The following NRP2 variants were observed in gnomAD, a reference collection of about 807,000 sequenced individuals.
NRP2 encodes the protein neuropilin 2, also known as neuropilin-2.
A neutral mutation model predicts 110.4 loss-of-function variants in NRP2; 52 were observed. The observed-to-expected ratio is 0.47, with a 90% confidence interval of 0.38 to 0.59. The LOEUF is 0.59. Among genes scored for constraint, NRP2 ranks in the 20% least tolerant of loss-of-function variants. The pLI, the probability that NRP2 is intolerant of heterozygous loss-of-function variation, is 0.00. For missense variants in NRP2, 1,049 were observed against 1,203.0 expected (o/e 0.87, Z 1.89); for synonymous variants, 508 against 468.9 (o/e 1.08, Z -1.08).
At chr2:205,784,839 A>G (rs950230767) in intron 15 of NRP2, among the ~76,000 whole-genome samples, 1 of 152,160 alleles carries the variant, frequency 6.6e-6, no homozygotes, top group Non-Finnish European at 1.5e-5. Context: ...TCAAAAAAGC[A>G]TGGGTCAGAT....
intron 2 of NRP2, among the ~76,000 whole-genome samples, chr2:205,704,099 C>T (rs1349176257): frequency 6.6e-6 from 1 of 152,150 alleles, no homozygotes; most frequent in Admixed American, 6.5e-5. Flanking sequence ...CCCACCCCGC[C>T]GCCAGTGGAA....
intron 5 of NRP2, among the ~76,000 whole-genome samples, chr2:205,724,154 AT>A (rs1422944052): frequency 1.1e-4 from 7 of 64,644 alleles, no homozygotes; most frequent in Non-Finnish European, 2.9e-4. Flanking sequence ...TCTTTAAAAA[AT>A]ATATATATGT....
intron 3 of NRP2, among the ~76,000 whole-genome samples, chr2:205,718,211 C>T (rs1286748900): frequency 6.6e-6 from 1 of 152,092 alleles, no homozygotes; most frequent in African/African-American, 2.4e-5. Context: ...CTCACACCAC[C>T]CAACTTAGTA....
chr2:205,749,804 G>A lies in NRP2; in HGVS notation c.1866G>A (p.Glu622=). 5 of 1,614,136 alleles carry A rather than the reference G, an allele frequency of 3.1e-6. No individual in the cohort carries two copies. The highest frequency in any genetic ancestry group is 4.2e-6 in the Non-Finnish European group (5 of 1,179,988). Residue 622 remains glutamate (E), a synonymous_variant, in exon 11 of 17, where the codon GAG becomes GAA. Transcript: ENST00000357785. ...CCACCCCCTACCCCACCGAAGAGGAGGCCACAGAGTGTGGGGAGAACTGCA... is the reference window on the plus strand; with the variant it reads ...CCACCCCCTACCCCACCGAAGAGGAAGCCACAGAGTGTGGGGAGAACTGCA... ...ETTTPYPTEE[E]ATECGENCSF...
chr2:205,763,056 C>G lies in NRP2; in HGVS notation c.2045-618C>G, dbSNP rs995254829. On this transcript the variant is annotated intron_variant, in intron 12 of 16. Transcript: ENST00000357785. This position sits in a 1 kb window ranked among gnomAD's most constrained non-coding sequence, Gnocchi z 4.0. ...TGAATCATCCCTTTCAGCTCCCACC[C>G]TCTGTTCTGTTTGAAGGTGACACTG... 6.6e-6 allele frequency among the ~76,000 whole-genome samples: 1 copy of G among 152,176 alleles called. No individual in the cohort carries two copies. Among genetic ancestry groups the G allele is most frequent in the Non-Finnish European group, 1.5e-5 (1 of 68,026 alleles).
At chr2:205,685,942 G>C (rs2056147551) in intron 1 of NRP2, 2 of 152,290 alleles carry the variant, frequency 1.3e-5, no homozygotes, top group East Asian at 3.9e-4. Flanking sequence ...CGCGCCCAGC[G>C]CCCGCCGGTG....
At chr2:205,694,170 C>G (rs1032186703) in intron 1 of NRP2, among the ~76,000 whole-genome samples, 7 of 152,116 alleles carry the variant, frequency 4.6e-5, no homozygotes, top group Admixed American at 2.0e-4. Context: ...ACCAGCAAAA[C>G]AACAATACTT....
intron 7 of NRP2, among the ~76,000 whole-genome samples, chr2:205,728,424 A>G (rs528581531): frequency 6.6e-6 from 1 of 152,308 alleles, no homozygotes; most frequent in East Asian, 1.9e-4. Flanking sequence ...ACATGATACT[A>G]TAGTTCAGGA....
intron 2 of NRP2, among the ~76,000 whole-genome samples, chr2:205,707,877 G>A (rs994915141): frequency 1.3e-5 from 2 of 152,174 alleles, no homozygotes; most frequent in African/African-American, 4.8e-5. Context: ...CAGACGCTGT[G>A]CTCTGATTGC....
intron 2 of NRP2, chr2:205,701,705 T>C (rs1479725161): frequency 2.6e-5 from 4 of 152,220 alleles, no homozygotes; most frequent in African/African-American, 9.6e-5. Flanking sequence ...CAATATCTCA[T>C]ATACCACGTA....
rs375526817 is a variant in NRP2 at position 205,703,633 on chromosome 2, A to C, written c.251+5912A>C. 6.3e-4 allele frequency among the ~76,000 whole-genome samples: 96 copies of C among 152,364 alleles called. 2 individuals carry two copies. In the East Asian group the frequency reaches 7.1e-3, roughly 11 times the overall value. On this transcript the variant is annotated intron_variant, in intron 2 of 16. Transcript: ENST00000357785. ...ACGTGGGCCCACAGCATCCAGGTCC[A>C]GCCTAAGCTGGGAAGATCAAGGAAG...
intron 15 of NRP2, among the ~76,000 whole-genome samples, chr2:205,769,541 G>A (rs199707244): frequency 1.5e-5 from 1 of 66,184 alleles, no homozygotes; most frequent in African/African-American, 4.6e-5. Flanking sequence ...CACACACACA[G>A]ACACATTGTG....
chr2:205,722,328 G>A (rs2057037284), intron 3 of NRP2, 150 bp from the exon 4 acceptor site: 4 of 701,070 alleles, frequency 5.7e-6, no homozygotes, highest in Admixed American at 4.1e-5. Context: ...ACGTGCATGT[G>A]AAGAGTATGT....
In NRP2 at chr2:205,750,953, C is replaced by T. The variant is rs117385283; in HGVS notation, c.1903+1112C>T. Among the ~76,000 whole-genome samples, 1,265 of 152,260 alleles carry T rather than the reference C, an allele frequency of 8.3e-3. 45 individuals carry two copies. The highest frequency in any genetic ancestry group is 0.071 in the East Asian group (366 of 5,182). Reference sequence around the variant, plus strand: ...TGACTGAAAAAGCAATAATTTAATGCATATGCTTTGGGGATTGTGCTTTCA... The same window carrying T: ...TGACTGAAAAAGCAATAATTTAATGTATATGCTTTGGGGATTGTGCTTTCA... On this transcript the variant is annotated intron_variant, in intron 11 of 16. Transcript: ENST00000357785.
chr2:205,791,735 CTTAAA>C (rs1438070633), intron 15 of NRP2, among the ~76,000 whole-genome samples: 14 of 151,616 alleles, frequency 9.2e-5, no homozygotes, highest in African/African-American at 3.4e-4. Context: ...CATTTCTGCT[CTTAAA>C]TTAAAACATA....
chr2:205,763,958 T>C lies in NRP2; in HGVS notation c.2307+22T>C. ...CCAGGTGGGGTGAGCAAAAAGGGAA[T>C]CTTGTGATCCGTATTTCAATATTTC... On this transcript the variant is annotated intron_variant, in intron 13 of 16. Coordinates refer to ENST00000357785, the MANE Select transcript of NRP2 (RefSeq NM_003872.3). This position sits in a 1 kb window ranked among gnomAD's most constrained non-coding sequence, Gnocchi z 4.0. The C allele has an allele frequency of 4.3e-6, 7 of 1,613,540 alleles. No homozygotes were observed. Among genetic ancestry groups the C allele is most frequent in the Non-Finnish European group, 5.9e-6 (7 of 1,179,726 alleles).
chr2:205,749,164 T>C (rs1174750910), intron 10 of NRP2, among the ~76,000 whole-genome samples: 1 of 152,146 alleles, frequency 6.6e-6, no homozygotes, highest in Non-Finnish European at 1.5e-5. Flanking sequence ...AAACCAGGCA[T>C]GTAAGATCCC....
At position 205,752,908 on chromosome 2, in the gene NRP2, T is replaced by C. The variant is rs1397601115; in HGVS notation, c.1977T>C (p.Tyr659=). The C allele has an allele frequency of 6.2e-7, 1 of 1,614,226 alleles. No homozygotes were observed. ...TCGAGGAGCCCTGTGGTTGGATGTA[T>C]GACCATGCCAAGTGGCTCCGGACCA... ...DFLEEPCGWM[Y]DHAKWLRTTW... is the part of the protein sequence containing the mutation. Residue 659 remains tyrosine (Y), a synonymous_variant, in exon 12 of 17, where the codon TAT becomes TAC. Coordinates refer to ENST00000357785, the MANE Select transcript of NRP2 (RefSeq NM_003872.3).
chr2:205,717,395 G>A (rs2056922212), intron 3 of NRP2, among the ~76,000 whole-genome samples: 1 of 152,190 alleles, frequency 6.6e-6, no homozygotes, highest in Non-Finnish European at 1.5e-5. Context: ...TTCAGTGTGA[G>A]GGGAACTATT....
Sources: allele counts gnomAD v4.1 joint callset (sites outside exome capture counted in the v4.1 genomes callset), GRCh38; gene constraint gnomAD v4.1.1; non-coding constraint Gnocchi (gnomAD v3.1); transcripts MANE v1.5; gene names NCBI Gene and HGNC (gene_info 2026-07-23, HGNC 2026-07-21).